CCDC192: variants seen among roughly 807,000 people sequenced by gnomAD.
CCDC192 encodes the protein coiled-coil domain-containing protein 192.
intron 3 of CCDC192, among the ~76,000 whole-genome samples, chr5:127,765,865 G>C (rs545236810): frequency 1.3e-5 from 2 of 152,186 alleles, no homozygotes; most frequent in East Asian, 3.9e-4. Context: ...CAAAGACCGT[G>C]AATGAAAAAG....
intron 6 of CCDC192, among the ~76,000 whole-genome samples, chr5:127,909,921 T>C (rs2127175463): frequency 6.6e-6 from 1 of 152,312 alleles, no homozygotes; most frequent in East Asian, 1.9e-4. Context: ...TGAAAAGGAA[T>C]CAATACAAGG....
Position 127,936,272 on chromosome 5 carries a change from T to TA in CCDC192, c.536-4909dup, listed in dbSNP as rs1754184342. 3.3e-5 allele frequency among the ~76,000 whole-genome samples: 5 copies of TA among 152,350 alleles called. No homozygotes were observed. The South Asian group carries it at 1.0e-3, about 32-fold the overall frequency. ...CTATTGTTATCTATTTAGTTATTATTAGTCATTTTTGATGTAACTTTCACA... is the reference window on the plus strand; with the variant it reads ...CTATTGTTATCTATTTAGTTATTATTAAGTCATTTTTGATGTAACTTTCACA... On this transcript the variant is annotated intron_variant, in intron 6 of 6. Transcript: ENST00000514853.
chr5:127,924,461 C>T (rs944228131), intron 6 of CCDC192, among the ~76,000 whole-genome samples: 5 of 152,062 alleles, frequency 3.3e-5, no homozygotes, highest in Non-Finnish European at 5.9e-5. Context: ...TTAGCATTTG[C>T]TAGATCAGAA....
intron 6 of CCDC192, among the ~76,000 whole-genome samples, chr5:127,897,024 G>C (rs1359165220): frequency 6.6e-6 from 1 of 151,238 alleles, no homozygotes; most frequent in Non-Finnish European, 1.5e-5. Flanking sequence ...TAAAACTGCA[G>C]GTCAACTTTT....
chr5:127,754,499 A>G, intron 3 of CCDC192, 124 bp downstream of exon 3: 1 of 373,682 alleles, frequency 2.7e-6, no homozygotes, highest in South Asian at 1.5e-4. Context: ...ACACATACAC[A>G]CACACACACA....
At position 127,831,364 on chromosome 5, in the gene CCDC192, G is replaced by A. The variant is rs114402232; in HGVS notation, c.411+33202G>A. On this transcript the variant is annotated intron_variant, in intron 5 of 6. Coordinates refer to ENST00000514853, the MANE Select transcript of CCDC192 (RefSeq NM_001317938.2). ...AATCTTCAAAAGTGTGTGTGTGTGCGTGTGTATATGTGTGCGTGTGTGTGT... is the reference window on the plus strand; with the variant it reads ...AATCTTCAAAAGTGTGTGTGTGTGCATGTGTATATGTGTGCGTGTGTGTGT... Among the ~76,000 whole-genome samples, 496 of 151,912 alleles carry A rather than the reference G, an allele frequency of 3.3e-3. 3 individuals are homozygous for A. The highest frequency in any genetic ancestry group is 0.011 in the African/African-American group (462 of 41,408).
At chr5:127,813,540 T>A (rs768196284) in intron 5 of CCDC192, among the ~76,000 whole-genome samples, 1 of 152,208 alleles carries the variant, frequency 6.6e-6, no homozygotes, top group Non-Finnish European at 1.5e-5. Flanking sequence ...CTTTCTTTTA[T>A]GTGCCATTTA....
At chr5:127,839,059 G>A (rs1750161390) in intron 5 of CCDC192, among the ~76,000 whole-genome samples, 1 of 152,146 alleles carries the variant, frequency 6.6e-6, no homozygotes, top group African/African-American at 2.4e-5. Context: ...AAGACATACA[G>A]GTCTTCCTCC....
intron 2 of CCDC192, among the ~76,000 whole-genome samples, chr5:127,711,334 T>C (rs760879580): frequency 3.3e-5 from 5 of 152,194 alleles, no homozygotes; most frequent in Non-Finnish European, 7.4e-5. Flanking sequence ...TATTAAAGAA[T>C]CACTATTTTA....
At chr5:127,907,011 G>T (rs752930354) in intron 6 of CCDC192, among the ~76,000 whole-genome samples, 18 of 151,920 alleles carry the variant, frequency 1.2e-4, no homozygotes, top group Non-Finnish European at 2.4e-4. Context: ...TATTTTGAGG[G>T]TTCTTTGGTT....
At chr5:127,938,881 AG>A (rs1329208019) in intron 6 of CCDC192, among the ~76,000 whole-genome samples, 1 of 152,086 alleles carries the variant, frequency 6.6e-6, no homozygotes, top group Non-Finnish European at 1.5e-5. Flanking sequence ...GAGATGAGGA[AG>A]GCCTCCTGCC....
At chr5:127,713,815 A>C (rs1310681845) in intron 2 of CCDC192, among the ~76,000 whole-genome samples, 1 of 152,212 alleles carries the variant, frequency 6.6e-6, no homozygotes, top group Non-Finnish European at 1.5e-5. Flanking sequence ...GATAATTAGC[A>C]TATCTATTAC....
chr5:127,850,715 C>G (rs377352048), intron 5 of CCDC192, among the ~76,000 whole-genome samples: 1 of 152,062 alleles, frequency 6.6e-6, no homozygotes, highest in African/African-American at 2.4e-5. Flanking sequence ...CCTGTAATCC[C>G]AGCAATTTGG....
At chr5:127,891,245 G>A (rs182046032) in intron 6 of CCDC192, among the ~76,000 whole-genome samples, 2 of 152,112 alleles carry the variant, frequency 1.3e-5, no homozygotes, top group African/African-American at 4.8e-5. Context: ...GTAGAGACAG[G>A]GTTTTGCCAT....
intron 5 of CCDC192, among the ~76,000 whole-genome samples, chr5:127,860,573 T>C (rs1561527600): frequency 6.6e-6 from 1 of 152,088 alleles, no homozygotes; most frequent in Non-Finnish European, 1.5e-5. Flanking sequence ...ACTTACTCTA[T>C]CATAAAAGAT....
intron 6 of CCDC192, among the ~76,000 whole-genome samples, chr5:127,893,529 G>A (rs527374941): frequency 6.6e-6 from 1 of 152,278 alleles, no homozygotes; most frequent in South Asian, 2.1e-4. Context: ...CTTCCAAAAA[G>A]AGGGGAAGGG....
At chr5:127,831,338 A>G (rs1294030445) in intron 5 of CCDC192, among the ~76,000 whole-genome samples, 2 of 151,948 alleles carry the variant, frequency 1.3e-5, no homozygotes, top group Non-Finnish European at 2.9e-5. Flanking sequence ...AAAATCTTCA[A>G]AATCTTCAAA....
In CCDC192 at chr5:127,834,430, C is replaced by T. The variant is rs146481319; in HGVS notation, c.411+36268C>T. Among the ~76,000 whole-genome samples the T allele has an allele frequency of 7.2e-5, 11 of 152,294 alleles. No individual in the cohort carries two copies. The East Asian group carries it at 2.1e-3, about 29-fold the overall frequency. Reference sequence around the variant, plus strand: ...CATGTAAATAAACTTCTGCTTTTCTCGTTAATCTGTCTCTTGTCAGTCTAA... The same window carrying T: ...CATGTAAATAAACTTCTGCTTTTCTTGTTAATCTGTCTCTTGTCAGTCTAA... On this transcript the variant is annotated intron_variant, in intron 5 of 6. Coordinates refer to ENST00000514853, the MANE Select transcript of CCDC192 (RefSeq NM_001317938.2).
intron 6 of CCDC192, among the ~76,000 whole-genome samples, chr5:127,929,458 G>A (rs1753957677): frequency 6.6e-6 from 1 of 152,148 alleles, no homozygotes; most frequent in East Asian, 1.9e-4. Flanking sequence ...GTGTAGAGAT[G>A]TATAGTTGCA....
Sources: allele counts gnomAD v4.1 joint callset (sites outside exome capture counted in the v4.1 genomes callset), GRCh38; gene constraint gnomAD v4.1.1; transcripts MANE v1.5; gene names NCBI Gene and HGNC (gene_info 2026-07-23, HGNC 2026-07-21).